KCNQ1OT1: variants seen among roughly 807,000 people sequenced by gnomAD.
KCNQ1OT1 encodes KCNQ1 opposite strand/antisense transcript 1.
Position 2,676,629 on chromosome 11 carries a change from A to G in KCNQ1OT1, n.23366T>C. ...AGGCCTCTAAGAAATGGGTAGCTTC[A>G]CAGATTCACAGATAGATAGTTCATT... On this transcript the variant is annotated non_coding_transcript_exon_variant, in exon 1 of 1. Coordinates refer to ENST00000597346, the Ensembl canonical transcript of KCNQ1OT1. The surrounding 1 kb of genome is among the most constrained non-coding windows in gnomAD (Gnocchi z 4.2). 2.5e-6 allele frequency: 1 copy of G among 398,648 alleles called. No individual in the cohort carries two copies. The highest frequency in any genetic ancestry group is 4.4e-6 in the Non-Finnish European group (1 of 226,076). 24.7% of individuals were successfully genotyped at this position (398,648 alleles called of 1,614,324 possible). A position where few individuals can be genotyped will look rare whatever the true frequency, so the allele number is the denominator to read the frequency against.
exon 1 of KCNQ1OT1, chr11:2,662,902 G>C (rs947074159): frequency 3.5e-5 from 14 of 398,538 alleles, no homozygotes; most frequent in South Asian, 1.3e-4. Flanking sequence ...GGACTCTCTG[G>C]GGGTCAGGAG....
exon 1 of KCNQ1OT1, chr11:2,630,438 G>T (rs1419069245): frequency 2.5e-6 from 1 of 398,176 alleles, no homozygotes; most frequent in Non-Finnish European, 4.4e-6. Flanking sequence ...AATAAGTTGG[G>T]ATTGTTCCCT....
At position 2,669,859 on chromosome 11, in the gene KCNQ1OT1, A is replaced by G. The variant is rs190799463; in HGVS notation, n.30136T>C. On this transcript the variant is annotated non_coding_transcript_exon_variant, in exon 1 of 1. Transcript: ENST00000597346. This position sits in a 1 kb window ranked among gnomAD's most constrained non-coding sequence, Gnocchi z 5.6. ...ACCATGGGATACAAATGGGGTCACA[A>G]CATATGGCTGTCAGCTGCTGTCCTT... is the stretch of plus-strand genomic sequence containing the variant. 1.3e-5 allele frequency: 5 copies of G among 398,662 alleles called. No homozygotes were observed. In the Admixed American group the frequency reaches 1.8e-4, roughly 14 times the overall value. The allele number at this position is 398,662 out of a possible 1,614,324, so 24.7% of individuals were successfully genotyped here.
exon 1 of KCNQ1OT1, chr11:2,686,876 C>G (rs891608916): frequency 1.0e-5 from 4 of 398,544 alleles, no homozygotes; most frequent in Non-Finnish European, 1.3e-5. Context: ...TTTGTGTCTG[C>G]CCAGTGACCA....
Position 2,673,412 on chromosome 11 carries a change from G to A in KCNQ1OT1, n.26583C>T, listed in dbSNP as rs1850223495. 2.5e-6 allele frequency: 1 copy of A among 398,682 alleles called. No homozygotes were observed. Among genetic ancestry groups the A allele is most frequent in the Non-Finnish European group, 4.4e-6 (1 of 226,090 alleles). 24.7% of individuals were successfully genotyped at this position (398,682 alleles called of 1,614,324 possible). Reference sequence around the variant, plus strand: ...CTTTGTTTAGCCCACCTTCTGCCTAGGCACCAGGCCTGGAGGTTCCAACTT... The same window carrying A: ...CTTTGTTTAGCCCACCTTCTGCCTAAGCACCAGGCCTGGAGGTTCCAACTT... On this transcript the variant is annotated non_coding_transcript_exon_variant, in exon 1 of 1. Coordinates refer to ENST00000597346, the Ensembl canonical transcript of KCNQ1OT1. The surrounding 1 kb of genome is among the most constrained non-coding windows in gnomAD (Gnocchi z 4.5).
In KCNQ1OT1 at chr11:2,608,861, C is replaced by T. The variant is rs1292357011; in HGVS notation, n.91134G>A. The T allele has an allele frequency of 2.5e-6, 1 of 398,444 alleles. No individual in the cohort carries two copies. 24.7% of individuals were successfully genotyped at this position (398,444 alleles called of 1,614,324 possible). A position where few individuals can be genotyped will look rare whatever the true frequency, so the allele number is the denominator to read the frequency against. ...AGTAATTTGAGTTTTCTCTCTCCCC[C>T]TTTGCCTCATGCACTTCCCTCTCTG... On this transcript the variant is annotated non_coding_transcript_exon_variant, in exon 1 of 1. Transcript: ENST00000597346. The surrounding 1 kb of genome is among the most constrained non-coding windows in gnomAD (Gnocchi z 4.6).
At chr11:2,632,182 CAAA>C (rs34998500) in exon 1 of KCNQ1OT1, 2,570 of 304,362 alleles carry the variant, frequency 8.4e-3, no homozygotes, top group Middle Eastern at 0.012. Context: ...GACTCTGCCT[CAAA>C]AAAAAAAAAA....
chr11:2,694,483 C>T (rs1311758077), exon 1 of KCNQ1OT1: 3 of 398,474 alleles, frequency 7.5e-6, no homozygotes, highest in Non-Finnish European at 1.3e-5. Context: ...CATCCTGTCC[C>T]AAGCATTACC....
Position 2,613,295 on chromosome 11 carries a change from C to T in KCNQ1OT1, n.86700G>A. 1 of 398,510 alleles carries T rather than the reference C, an allele frequency of 2.5e-6. No homozygotes were observed. The highest frequency in any genetic ancestry group is 4.4e-6 in the Non-Finnish European group (1 of 226,038). 24.7% of individuals were successfully genotyped at this position (398,510 alleles called of 1,614,324 possible). On this transcript the variant is annotated non_coding_transcript_exon_variant, in exon 1 of 1. Transcript: ENST00000597346. This position sits in a 1 kb window ranked among gnomAD's most constrained non-coding sequence, Gnocchi z 4.8. ...TCTCTCCTGCAAGCATGTACAACTT[C>T]CATATCTCCAGAATTCCTTTTAAAA...
rs961130193 is a variant in KCNQ1OT1, at chr11:2,647,982, G to A, written n.52013C>T. The A allele has an allele frequency of 5.5e-5, 22 of 397,662 alleles. No homozygotes were observed. The highest frequency in any genetic ancestry group is 4.5e-4 in the African/African-American group (22 of 48,418). 24.6% of individuals were successfully genotyped at this position (397,662 alleles called of 1,614,324 possible). A position where few individuals can be genotyped will look rare whatever the true frequency, so the allele number is the denominator to read the frequency against. Reference sequence around the variant, plus strand: ...TAAACCCAGTACTTTGGAAGGCCAAGGCAGGCCGATCGCTTGAGTCCAGGA... The same window carrying A: ...TAAACCCAGTACTTTGGAAGGCCAAAGCAGGCCGATCGCTTGAGTCCAGGA... On this transcript the variant is annotated non_coding_transcript_exon_variant, in exon 1 of 1. Coordinates refer to ENST00000597346, the Ensembl canonical transcript of KCNQ1OT1. This position sits in a 1 kb window ranked among gnomAD's most constrained non-coding sequence, Gnocchi z 4.0.
At chr11:2,699,408 GGGGAGGGCCGCGCTGAGGAGAGTCT>G (rs1850734599) in exon 1 of KCNQ1OT1, 2 of 403,554 alleles carry the variant, frequency 5.0e-6, no homozygotes, top group African/African-American at 4.1e-5. Flanking sequence ...CCAGAGAGAT[GGGGAGGGCCGCGCTGAGGAGAGTCT>G]GGGAGAACCG....
At position 2,664,411 on chromosome 11, in the gene KCNQ1OT1, C is replaced by G. The variant is rs16928522; in HGVS notation, n.35584G>C. 5,123 of 398,626 alleles carry G rather than the reference C, an allele frequency of 0.013. 162 individuals are homozygous for G. Among genetic ancestry groups the G allele is most frequent in the East Asian group, 0.081 (2,264 of 28,074 alleles). The allele number at this position is 398,626 out of a possible 1,614,324, so 24.7% of individuals were successfully genotyped here. A position where few individuals can be genotyped will look rare whatever the true frequency, so the allele number is the denominator to read the frequency against. ...AGAGGCCTGAAGGGGAGAGTGGGCA[C>G]GTACAGTGTCAGGGCCTAGGAACCC... On this transcript the variant is annotated non_coding_transcript_exon_variant, in exon 1 of 1. Transcript: ENST00000597346. This position sits in a 1 kb window ranked among gnomAD's most constrained non-coding sequence, Gnocchi z 5.1.
At chr11:2,688,172 C>T (rs1288998568) in exon 1 of KCNQ1OT1, 4 of 398,688 alleles carry the variant, frequency 1.0e-5, no homozygotes, top group African/African-American at 8.2e-5. Context: ...CCTCTGCAGA[C>T]AGCTCCCAAG....
At position 2,677,688 on chromosome 11, in the gene KCNQ1OT1, A is replaced by G. The variant is rs140132870; in HGVS notation, n.22307T>C. ...ATAAAATAATATTTTAACTACTGTTATTTTTCAAATTAACTTCCCAATCAA... is the reference window on the plus strand; with the variant it reads ...ATAAAATAATATTTTAACTACTGTTGTTTTTCAAATTAACTTCCCAATCAA... On this transcript the variant is annotated non_coding_transcript_exon_variant, in exon 1 of 1. Transcript: ENST00000597346. This position sits in a 1 kb window ranked among gnomAD's most constrained non-coding sequence, Gnocchi z 4.5. 1,124 of 398,566 alleles carry G rather than the reference A, an allele frequency of 2.8e-3. 13 individuals are homozygous for G. Among genetic ancestry groups the G allele is most frequent in the African/African-American group, 0.02 (983 of 48,758 alleles). The allele number at this position is 398,566 out of a possible 1,614,324, so 24.7% of individuals were successfully genotyped here.
chr11:2,616,061 A>G, exon 1 of KCNQ1OT1: 1 of 398,028 alleles, frequency 2.5e-6, no homozygotes, highest in Non-Finnish European at 4.4e-6. Flanking sequence ...TCATAATTTC[A>G]ATTTCTGTTT....
In KCNQ1OT1 at chr11:2,654,633, T is replaced by C. The variant is rs1411432649; in HGVS notation, n.45362A>G. 4 of 398,698 alleles carry C rather than the reference T, an allele frequency of 1.0e-5. No individual in the cohort carries two copies. In the East Asian group the frequency reaches 1.1e-4, roughly 11 times the overall value. The allele number at this position is 398,698 out of a possible 1,614,324, so 24.7% of individuals were successfully genotyped here. On this transcript the variant is annotated non_coding_transcript_exon_variant, in exon 1 of 1. Transcript: ENST00000597346. This position sits in a 1 kb window ranked among gnomAD's most constrained non-coding sequence, Gnocchi z 6.4. ...AAGTTACTAGGAAGGGCCCAGACAC[T>C]GGCGAGAGTCTCTTGAGGGCAGAGG... is the stretch of plus-strand genomic sequence containing the variant.
exon 1 of KCNQ1OT1, chr11:2,666,434 C>T (rs1452421704): frequency 1.5e-5 from 6 of 398,560 alleles, no homozygotes; most frequent in Non-Finnish European, 2.7e-5. Context: ...TTAGAATTTC[C>T]ATGTCTTCAA....
rs1850423526 is a variant in KCNQ1OT1, at chr11:2,682,945, G to A, written n.17050C>T. The stretch of plus-strand genomic sequence containing the variant: ...GGTGCTCAGGTCTGTGTGGAAGAAA[G>A]GACAGGAGTCCTTCTGCCACCCAGA... On this transcript the variant is annotated non_coding_transcript_exon_variant, in exon 1 of 1. Transcript: ENST00000597346. This position sits in a 1 kb window ranked among gnomAD's most constrained non-coding sequence, Gnocchi z 5.8. The A allele has an allele frequency of 2.5e-6, 1 of 398,460 alleles. No homozygotes were observed. Among genetic ancestry groups the A allele is most frequent in the South Asian group, 1.3e-4 (1 of 7,832 alleles). 24.7% of individuals were successfully genotyped at this position (398,460 alleles called of 1,614,324 possible).
chr11:2,609,421 G>C, exon 1 of KCNQ1OT1: 2 of 398,296 alleles, frequency 5.0e-6, no homozygotes, highest in South Asian at 2.5e-4. Context: ...ATTTATGCAG[G>C]TTTGTTTCGT....
Sources: gnomAD v4.1 joint callset for allele counts on GRCh38, gnomAD v4.1.1 for gene constraint, Gnocchi (gnomAD v3.1) non-coding constraint, MANE v1.5 for transcripts, NCBI Gene and HGNC (gene_info 2026-07-23, HGNC 2026-07-21) for gene names.